ROBO2: variants seen among roughly 807,000 people sequenced by gnomAD.
The protein encoded by ROBO2 is roundabout homolog 2.
Under a neutral mutation model 160.8 loss-of-function variants are expected in ROBO2, and 53 were observed. That is an observed-to-expected ratio of 0.33 (90% confidence interval 0.26 to 0.41). The LOEUF is 0.41. Ranked by LOEUF, ROBO2 falls within the 10% of genes least tolerant of loss-of-function variation. The pLI, the probability that ROBO2 is intolerant of heterozygous loss-of-function variation, is 1.00. For synonymous variants in ROBO2, 664 were observed against 611.7 expected (o/e 1.09, Z -1.26); for missense variants, 1,577 against 1,722.4 (o/e 0.92, Z 1.49).
chr3:76,906,572 G>C (rs1400937311), intron 2 of ROBO2, among the ~76,000 whole-genome samples: 1 of 151,878 alleles, frequency 6.6e-6, no homozygotes, highest in Non-Finnish European at 1.5e-5. Context: ...TAATTCATTT[G>C]ATCTGAAGAA....
At chr3:77,346,488 A>G (rs2067655770) in intron 2 of ROBO2, among the ~76,000 whole-genome samples, 1 of 152,146 alleles carries the variant, frequency 6.6e-6, no homozygotes, top group Non-Finnish European at 1.5e-5. Context: ...TCACTGTGTA[A>G]CTTGCTGTCA....
At chr3:77,319,911 A>T (rs1224345710) in intron 2 of ROBO2, among the ~76,000 whole-genome samples, 1 of 152,174 alleles carries the variant, frequency 6.6e-6, no homozygotes, top group East Asian at 1.9e-4. Context: ...TAGAGAGCCT[A>T]AAAACCCAAA....
At position 76,272,766 on chromosome 3, in the gene ROBO2, A is replaced by G. The variant is rs1242119680; in HGVS notation, c.109+335164A>G. ...TTCTCTATATATAAATATATAATAT[A>G]TATTTATATATAAAATATATAAAAT... On this transcript the variant is annotated intron_variant, in intron 2 of 26. Transcript: ENST00000487694. 5.0e-4 allele frequency among the ~76,000 whole-genome samples: 23 copies of G among 46,378 alleles called. 4 individuals are homozygous for G. Among genetic ancestry groups the G allele is most frequent in the African/African-American group, 1.6e-3 (22 of 13,586 alleles). 30.4% of individuals were successfully genotyped at this position (46,378 alleles called of 152,430 possible).
intron 2 of ROBO2, among the ~76,000 whole-genome samples, chr3:75,961,093 C>T (rs1029844277): frequency 3.3e-5 from 5 of 151,598 alleles, no homozygotes; most frequent in African/African-American, 1.2e-4. Context: ...ATAATAAACA[C>T]AGCAGATGAT....
At chr3:77,499,558 T>C (rs757146711) in intron 5 of ROBO2, among the ~76,000 whole-genome samples, 16 of 151,824 alleles carry the variant, frequency 1.1e-4, no homozygotes, top group Non-Finnish European at 1.5e-4. Context: ...ATAAAATATA[T>C]AATTTGTATA....
At chr3:76,766,597 T>C (rs1037932518) in intron 2 of ROBO2, among the ~76,000 whole-genome samples, 1 of 151,680 alleles carries the variant, frequency 6.6e-6, no homozygotes, top group African/African-American at 2.4e-5. Flanking sequence ...AGAAACGTAA[T>C]GCTTAACACA....
At chr3:76,755,706 A>G (rs990455934) in intron 2 of ROBO2, among the ~76,000 whole-genome samples, 1 of 151,894 alleles carries the variant, frequency 6.6e-6, no homozygotes, top group Non-Finnish European at 1.5e-5. Flanking sequence ...TAATTGCTAT[A>G]AAGTTGTCCT....
intron 2 of ROBO2, among the ~76,000 whole-genome samples, chr3:77,217,635 G>A (rs2085160154): frequency 1.3e-5 from 2 of 152,182 alleles, no homozygotes; most frequent in Admixed American, 6.6e-5. Context: ...AGCTCAAAAT[G>A]AAATGCTTAA....
rs1233440879 is a variant in ROBO2 at position 77,588,936 on chromosome 3, A to T, written c.2683+3A>T. 8 of 1,613,044 alleles carry T rather than the reference A, an allele frequency of 5.0e-6. No individual in the cohort carries two copies. The highest frequency in any genetic ancestry group is 1.3e-5 in the African/African-American group (1 of 74,890). ...GAAGGGACTCAGTAATTATGCTGGT[A>T]AGTGACTATTTCCAGCTAAGAAAAT... On this transcript the variant is annotated splice_donor_region_variant and intron_variant, in intron 17 of 25. Coordinates refer to ENST00000461745, the Ensembl canonical transcript of ROBO2.
intron 1 of ROBO2, 142 bp downstream of exon 1, chr3:77,040,988 G>A (rs2064032106): frequency 9.7e-7 from 1 of 1,028,380 alleles, no homozygotes. Context: ...GGGCTCCTTG[G>A]GGGCAGAGGT....
chr3:76,175,009 T>C (rs2073176676), intron 2 of ROBO2, among the ~76,000 whole-genome samples: 1 of 152,196 alleles, frequency 6.6e-6, no homozygotes. Flanking sequence ...GGAATTATTT[T>C]CCATTTGTTT....
intron 1 of ROBO2, among the ~76,000 whole-genome samples, chr3:75,920,021 C>T (rs928989844): frequency 9.9e-5 from 15 of 151,846 alleles, no homozygotes; most frequent in Admixed American, 4.6e-4. Context: ...AAGGTTTTTT[C>T]GTGTTTCTCT....
At chr3:76,847,204 G>A (rs1479672656) in intron 2 of ROBO2, among the ~76,000 whole-genome samples, 2 of 152,118 alleles carry the variant, frequency 1.3e-5, no homozygotes, top group East Asian at 3.9e-4. Context: ...TAGGAAAAAA[G>A]TGAACATTAA....
chr3:76,647,388 A>C (rs1273285696), intron 2 of ROBO2, among the ~76,000 whole-genome samples: 1 of 152,054 alleles, frequency 6.6e-6, no homozygotes, highest in African/African-American at 2.4e-5. Flanking sequence ...AGCCTAAGAG[A>C]TAGGAGAGGA....
intron 5 of ROBO2, among the ~76,000 whole-genome samples, chr3:77,516,177 G>A (rs1255134786): frequency 6.6e-6 from 1 of 151,410 alleles, no homozygotes; most frequent in Non-Finnish European, 1.5e-5. Context: ...GTTAAGAAAC[G>A]AGGAATAAAA....
intron 2 of ROBO2, among the ~76,000 whole-genome samples, chr3:77,433,680 G>A (rs369834659): frequency 7.3e-5 from 11 of 151,322 alleles, no homozygotes; most frequent in African/African-American, 2.7e-4. Flanking sequence ...ACTCTGTCCT[G>A]GACCTAATTT....
intron 2 of ROBO2, among the ~76,000 whole-genome samples, chr3:77,373,659 T>C (rs1162300336): frequency 1.3e-5 from 2 of 152,046 alleles, no homozygotes; most frequent in African/African-American, 2.4e-5. Context: ...AAAGGGGAAC[T>C]GAGCAAAATG....
chr3:76,436,440 A>G (rs1023060152), intron 2 of ROBO2, among the ~76,000 whole-genome samples: 87 of 152,272 alleles, frequency 5.7e-4, no homozygotes, highest in African/African-American at 2.0e-3. Flanking sequence ...CAGAGGACTA[A>G]AATCTCCACT....
At chr3:76,415,971 A>G (rs969170930) in intron 2 of ROBO2, among the ~76,000 whole-genome samples, 1 of 152,160 alleles carries the variant, frequency 6.6e-6, no homozygotes, top group African/African-American at 2.4e-5. Context: ...AATGTTCTCA[A>G]TTATTTAGCA....
Sources: gnomAD v4.1 joint callset for allele counts (sites outside exome capture counted in the v4.1 genomes callset) on GRCh38, gnomAD v4.1.1 for gene constraint, MANE v1.5 for transcripts, NCBI Gene and HGNC (gene_info 2026-07-23, HGNC 2026-07-21) for gene names.